The following LMNB1 variants were observed in gnomAD, a reference collection of about 807,000 sequenced individuals.
The protein encoded by LMNB1 is lamin-B1.
Under a neutral mutation model 67.1 loss-of-function variants are expected in LMNB1, and 23 were observed. The ratio of observed to expected loss-of-function variants is 0.34; its 90% CI spans 0.25 to 0.49. The LOEUF is 0.49. LMNB1 is among the 20% of genes least tolerant of loss of function. The pLI is 0.99. For missense variants in LMNB1, 634 were observed against 746.5 expected, an observed-to-expected ratio of 0.85 and a Z score of 1.76; for synonymous variants, 281 against 282.9, an observed-to-expected ratio of 0.99 and a Z score of 0.07.
chr5:126,781,579 G>A (rs1044268471), intron 1 of LMNB1, among the ~76,000 whole-genome samples: 1 of 151,882 alleles, frequency 6.6e-6, no homozygotes, highest in African/African-American at 2.4e-5. Context: ...TGGGATTACA[G>A]GTGTGCACCA....
intron 1 of LMNB1, among the ~76,000 whole-genome samples, chr5:126,802,778 C>T (rs998866838): frequency 6.6e-6 from 1 of 152,090 alleles, no homozygotes; most frequent in Non-Finnish European, 1.5e-5. Flanking sequence ...TGTGTAACTA[C>T]TGTTAATAAT....
intron 1 of LMNB1, among the ~76,000 whole-genome samples, chr5:126,783,890 T>C (rs1235346620): frequency 6.6e-6 from 1 of 152,050 alleles, no homozygotes; most frequent in Non-Finnish European, 1.5e-5. Context: ...CAGGTATCAG[T>C]TGAGTAATGG....
chr5:126,807,159 A>C (rs917953800), intron 3 of LMNB1, among the ~76,000 whole-genome samples: 1 of 152,228 alleles, frequency 6.6e-6, no homozygotes, highest in Non-Finnish European at 1.5e-5. Context: ...TTGTCAAACA[A>C]AGGAAGTAAT....
intron 1 of LMNB1, among the ~76,000 whole-genome samples, chr5:126,795,130 CTT>C (rs55837872): frequency 7.0e-5 from 9 of 128,918 alleles, no homozygotes; most frequent in Non-Finnish European, 6.4e-5. Flanking sequence ...ATTCCTTTTC[CTT>C]TTTTTTTTTT....
intron 1 of LMNB1, among the ~76,000 whole-genome samples, chr5:126,782,399 T>C (rs1750654043): frequency 6.6e-6 from 1 of 152,196 alleles, no homozygotes; most frequent in South Asian, 2.1e-4. Flanking sequence ...TCATGAAACA[T>C]TTCTGAGGGA....
upstream of LMNB1, chr5:126,777,085 C>G (rs1429238531): frequency 6.2e-6 from 1 of 160,500 alleles, no homozygotes; most frequent in Non-Finnish European, 1.4e-5. Context: ...CCTCCGCCCC[C>G]CGCGGCTTGC....
intron 1 of LMNB1, among the ~76,000 whole-genome samples, chr5:126,783,061 T>C (rs188967016): frequency 1.7e-4 from 25 of 151,474 alleles, no homozygotes; most frequent in Non-Finnish European, 3.1e-4. Context: ...CAGCCGGGCG[T>C]GGTGGTGCAC....
chr5:126,800,211 A>G (rs1243228054), intron 1 of LMNB1, among the ~76,000 whole-genome samples: 3 of 152,210 alleles, frequency 2.0e-5, no homozygotes, highest in East Asian at 3.8e-4. Context: ...TTTTACCCAC[A>G]TTCCAGTGTA....
chr5:126,821,867 A>G (rs1751877987), intron 7 of LMNB1, among the ~76,000 whole-genome samples: 1 of 152,192 alleles, frequency 6.6e-6, no homozygotes, highest in African/African-American at 2.4e-5. Context: ...TGCTAAAAGT[A>G]GTTTTGAAAA....
chr5:126,781,118 G>A (rs1044293682), intron 1 of LMNB1, among the ~76,000 whole-genome samples: 15 of 152,068 alleles, frequency 9.9e-5, no homozygotes, highest in African/African-American at 3.4e-4. Flanking sequence ...GCGAGACCCC[G>A]TCTCTACTAA....
chr5:126,796,235 G>A (rs564371319), intron 1 of LMNB1, among the ~76,000 whole-genome samples: 1 of 152,070 alleles, frequency 6.6e-6, no homozygotes, highest in African/African-American at 2.4e-5. Flanking sequence ...GGCCCTGGAT[G>A]CATTTTTTAA....
At chr5:126,808,075 T>C (rs1421154033) in intron 3 of LMNB1, among the ~76,000 whole-genome samples, 1 of 152,178 alleles carries the variant, frequency 6.6e-6, no homozygotes, top group East Asian at 1.9e-4. Context: ...TTTCACCACA[T>C]TGGCCAGGCT....
At chr5:126,783,364 A>ACG (rs1554112343) in intron 1 of LMNB1, among the ~76,000 whole-genome samples, 1 of 151,688 alleles carries the variant, frequency 6.6e-6, no homozygotes, top group East Asian at 1.9e-4. Context: ...TATTTTTATA[A>ACG]CTTAAAATAT....
At chr5:126,791,682 G>A (rs957901055) in intron 1 of LMNB1, among the ~76,000 whole-genome samples, 1 of 151,902 alleles carries the variant, frequency 6.6e-6, no homozygotes, top group Non-Finnish European at 1.5e-5. Context: ...TATGTTGCTG[G>A]TCTCAAACTC....
upstream of LMNB1, chr5:126,776,847 G>A (rs1215568038): frequency 6.6e-6 from 1 of 152,382 alleles, no homozygotes; most frequent in Admixed American, 6.5e-5. Context: ...AGAGCCGCGC[G>A]GGTGGGCAGT....
At chr5:126,800,981 A>ATATATATAT (rs1554113727) in intron 1 of LMNB1, among the ~76,000 whole-genome samples, 20 of 28,030 alleles carry the variant, frequency 7.1e-4, no homozygotes, top group African/African-American at 1.1e-3. Flanking sequence ...ATATATATAT[A>ATATATATAT]ATTTTTTTTT....
At chr5:126,834,610 C>T (rs1036163360) in intron 10 of LMNB1, among the ~76,000 whole-genome samples, 7 of 152,206 alleles carry the variant, frequency 4.6e-5, no homozygotes, top group Admixed American at 4.6e-4. Flanking sequence ...TGGCCGGGCA[C>T]GGTGGCTTAC....
chr5:126,805,348 T>C (rs888590521), intron 2 of LMNB1, among the ~76,000 whole-genome samples: 10 of 152,254 alleles, frequency 6.6e-5, no homozygotes, highest in African/African-American at 2.4e-4. Flanking sequence ...TTCTATTCCC[T>C]GTTGCCAATT....
chr5:126,777,606 A>C lies in LMNB1; in HGVS notation c.98A>C (p.Lys33Thr), dbSNP rs1303994586. 1.3e-6 allele frequency: 2 copies of C among 1,536,584 alleles called. No individual in the cohort carries two copies. The highest frequency in any genetic ancestry group is 2.4e-5 in the South Asian group (2 of 82,532). The change falls in exon 1 of 11, where the codon AAG becomes ACG. Residue 33 changes from lysine to threonine, a missense_variant. Coordinates refer to ENST00000261366, the MANE Select transcript of LMNB1 (RefSeq NM_005573.4). ...ACGCGCCTGTCGCGGCTCCAGGAGAAGGAGGAGCTGCGCGAGCTCAATGAC... is the reference window on the plus strand; with the variant it reads ...ACGCGCCTGTCGCGGCTCCAGGAGACGGAGGAGCTGCGCGAGCTCAATGAC... ...SPTRLSRLQE[K>T]EELRELNDRL...
Sources: gnomAD v4.1 joint callset for allele counts (sites outside exome capture counted in the v4.1 genomes callset) on GRCh38, gnomAD v4.1.1 for gene constraint, MANE v1.5 for transcripts, NCBI Gene and HGNC (gene_info 2026-07-23, HGNC 2026-07-21) for gene names.